Variants in PTK2 observed in about 807,000 individuals in gnomAD.
PTK2 encodes the protein protein tyrosine kinase 2, also known as focal adhesion kinase 1.
A neutral mutation model predicts 150.1 loss-of-function variants in PTK2; 45 were observed. That is an observed-to-expected ratio of 0.30 (90% confidence interval 0.24 to 0.38). The LOEUF (loss-of-function observed/expected upper bound fraction) is 0.38, where lower values mean the gene tolerates loss of function less well. PTK2 is among the 10% of genes least tolerant of loss of function. PTK2 has a pLI of 1.00. For synonymous variants in PTK2, 432 were observed against 449.2 expected, an observed-to-expected ratio of 0.96 and a Z score of 0.48; for missense variants, 919 against 1,307.3, an observed-to-expected ratio of 0.70 and a Z score of 4.58.
At chr8:140,686,526 T>A in intron 27 of PTK2, 106 bp downstream of exon 30, 1 of 880,384 alleles carries the variant, frequency 1.1e-6, no homozygotes. Context: ...GAATATTCTG[T>A]TCCCTATTAC....
In PTK2 at chr8:140,937,586, A is replaced by T. The variant is rs192719893; in HGVS notation, c.-121-11837T>A. Among the ~76,000 whole-genome samples, 6 of 37,910 alleles carry T rather than the reference A, an allele frequency of 1.6e-4. No individual in the cohort carries two copies. The East Asian group carries it at 2.2e-3, about 14-fold the overall frequency. 24.9% of individuals were successfully genotyped at this position (37,910 alleles called of 152,430 possible). A position where few individuals can be genotyped will look rare whatever the true frequency, so the allele number is the denominator to read the frequency against. Reference sequence around the variant, plus strand: ...CAAATGCCATCTTTAAGTAAACAATAAAAAAAAAAAAAACACAAAAAAACA... The same window carrying T: ...CAAATGCCATCTTTAAGTAAACAATTAAAAAAAAAAAAACACAAAAAAACA... On this transcript the variant is annotated intron_variant, in intron 1 of 31. Coordinates refer to ENST00000522684, the Ensembl canonical transcript of PTK2.
chr8:140,745,866 A>G (rs1363331858), intron 18 of PTK2, among the ~76,000 whole-genome samples: 1 of 151,916 alleles, frequency 6.6e-6, no homozygotes, highest in Non-Finnish European at 1.5e-5. Flanking sequence ...TGGGCCTGGC[A>G]GCACGTGCCT....
chr8:140,927,240 G>T (rs928409646), intron 1 of PTK2: 6 of 152,198 alleles, frequency 3.9e-5, no homozygotes, highest in African/African-American at 1.4e-4. Context: ...AACAAACATA[G>T]AACTTTTATT....
chr8:140,890,471 C>CT, intron 3 of PTK2, 72 bp downstream of exon 3: 1 of 1,278,002 alleles, frequency 7.8e-7, no homozygotes, highest in South Asian at 1.4e-5. Context: ...ATTACACTAT[C>CT]TTTTTTCATA....
chr8:140,659,707 C>T (rs2076685330), intron 31 of PTK2, 29 bp from the exon 36 acceptor site: 5 of 1,549,582 alleles, frequency 3.2e-6, no homozygotes, highest in Non-Finnish European at 4.4e-6. Flanking sequence ...GTCAGGAGAA[C>T]TGTTTTCAGT....
rs149363980 is a variant in PTK2 at position 140,948,385 on chromosome 8, T to C, written c.-121-22636A>G. On this transcript the variant is annotated intron_variant, in intron 1 of 31. Coordinates refer to ENST00000522684, the Ensembl canonical transcript of PTK2. The stretch of plus-strand genomic sequence containing the variant: ...TATGAGGCAGAACAGGGAGACATGC[T>C]GGAACTGGGGGGAAGGGTCAATATT... 1.5e-3 allele frequency among the ~76,000 whole-genome samples: 226 copies of C among 152,260 alleles called. 2 individuals are homozygous for C. Among genetic ancestry groups the C allele is most frequent in the African/African-American group, 5.1e-3 (213 of 41,552 alleles).
intron 1 of PTK2, among the ~76,000 whole-genome samples, chr8:140,933,062 G>A (rs139594872): frequency 0.013 from 1,937 of 152,096 alleles, 25 homozygotes; most frequent in Admixed American, 0.034. Context: ...TGTTGGCCAG[G>A]CTGGTCTTGA....
chr8:140,886,802 T>C (rs1444089602), intron 3 of PTK2, among the ~76,000 whole-genome samples: 1 of 152,228 alleles, frequency 6.6e-6, no homozygotes, highest in Non-Finnish European at 1.5e-5. Context: ...CAATGTCTTC[T>C]TGCATCCAGC....
intron 27 of PTK2, among the ~76,000 whole-genome samples, chr8:140,675,954 ACTG>A (rs2100013373): frequency 6.6e-6 from 1 of 152,234 alleles, no homozygotes; most frequent in Non-Finnish European, 1.5e-5. Context: ...AGATACCTGC[ACTG>A]CTATGTTTAT....
At chr8:140,771,360 AC>A (rs2100075394) in intron 14 of PTK2, 1 of 152,264 alleles carries the variant, frequency 6.6e-6, no homozygotes, top group Non-Finnish European at 1.5e-5. Flanking sequence ...TCATTTGCTC[AC>A]TCATTCATGT....
At chr8:140,679,231 G>T (rs1367565902) in intron 27 of PTK2, among the ~76,000 whole-genome samples, 4 of 151,488 alleles carry the variant, frequency 2.6e-5, no homozygotes, top group Non-Finnish European at 5.9e-5. Flanking sequence ...CACTATGTGG[G>T]CCAGGCTGGT....
intron 13 of PTK2, among the ~76,000 whole-genome samples, chr8:140,793,035 A>G (rs1009381481): frequency 4.6e-5 from 7 of 152,268 alleles, no homozygotes; most frequent in Non-Finnish European, 1.5e-5. Context: ...CTTGTAAAAT[A>G]GCCAGAATGC....
chr8:140,746,713 G>C (rs1016797826), intron 18 of PTK2, 47 bp downstream of exon 21: 16 of 1,399,798 alleles, frequency 1.1e-5, no homozygotes, highest in Non-Finnish European at 5.0e-6. Context: ...TTAAGCAAAA[G>C]ATATCAAACG....
intron 1 of PTK2, among the ~76,000 whole-genome samples, chr8:140,943,557 G>A (rs563928742): frequency 6.6e-6 from 1 of 152,326 alleles, no homozygotes; most frequent in East Asian, 1.9e-4. Flanking sequence ...GTCATTGTAA[G>A]AAAATGTTTT....
In PTK2 at chr8:140,942,569, C is replaced by T. The variant is rs565272748; in HGVS notation, c.-121-16820G>A. 2.6e-5 allele frequency among the ~76,000 whole-genome samples: 4 copies of T among 152,054 alleles called. No homozygotes were observed. The South Asian group carries it at 8.3e-4, about 32-fold the overall frequency. Reference sequence around the variant, plus strand: ...CACTTCAACTTTGGTGGTACCTAATCCAGACAAATAAATGTTGATCCAGCT... The same window carrying T: ...CACTTCAACTTTGGTGGTACCTAATTCAGACAAATAAATGTTGATCCAGCT... On this transcript the variant is annotated intron_variant, in intron 1 of 31. Transcript: ENST00000522684.
chr8:140,659,154 T>C (rs1348162891), exon 32 of PTK2: 2 of 382,164 alleles, frequency 5.2e-6, no homozygotes, highest in Non-Finnish European at 9.6e-6. Flanking sequence ...TTAGAACGTA[T>C]CTTAATGTGA....
chr8:140,819,415 T>TA (rs961587031), intron 8 of PTK2, among the ~76,000 whole-genome samples: 186 of 152,176 alleles, frequency 1.2e-3, no homozygotes, highest in African/African-American at 4.4e-3. Flanking sequence ...TCAAAAACTT[T>TA]AAAAAAACCA....
At chr8:140,968,610 C>T (rs914702846) in intron 1 of PTK2, among the ~76,000 whole-genome samples, 1 of 152,168 alleles carries the variant, frequency 6.6e-6, no homozygotes, top group East Asian at 1.9e-4. Context: ...CTGTTCTATT[C>T]TGCATTGTAA....
At chr8:140,862,500 C>T (rs2100136827) in intron 5 of PTK2, among the ~76,000 whole-genome samples, 1 of 152,154 alleles carries the variant, frequency 6.6e-6, no homozygotes, top group African/African-American at 2.4e-5. Flanking sequence ...ACCAACTTAA[C>T]TCCCTTTCAT....
Sources: gnomAD v4.1 joint callset for allele counts (sites outside exome capture counted in the v4.1 genomes callset) on GRCh38, gnomAD v4.1.1 for gene constraint, MANE v1.5 for transcripts, NCBI Gene and HGNC (gene_info 2026-07-23, HGNC 2026-07-21) for gene names.